The following MECOM variants were observed in gnomAD, a reference collection of about 807,000 sequenced individuals.
MECOM encodes histone-lysine N-methyltransferase MECOM.
MECOM carries 13 observed loss-of-function variants against 116.3 expected under a neutral mutation model. The ratio of observed to expected loss-of-function variants is 0.11; its 90% CI spans 0.07 to 0.18. The LOEUF is 0.18. Ranked by LOEUF, MECOM falls within the 10% of genes least tolerant of loss-of-function variation. The pLI is 1.00. For synonymous variants in MECOM, 528 were observed against 535.2 expected (o/e 0.99, Z 0.19); for missense variants, 1,299 against 1,509.0 (o/e 0.86, Z 2.31).
intron 1 of MECOM, among the ~76,000 whole-genome samples, chr3:169,579,514 G>A (rs555033037): frequency 6.6e-6 from 1 of 152,264 alleles, no homozygotes; most frequent in South Asian, 2.1e-4. Context: ...GAAGGGGTAA[G>A]AGGGAGCCCC....
chr3:169,382,284 G>A (rs1251305354), intron 1 of MECOM, among the ~76,000 whole-genome samples: 19 of 152,156 alleles, frequency 1.2e-4, no homozygotes, highest in Admixed American at 1.2e-3. Context: ...ACAGAGAAAT[G>A]AGGGAGATCA....
intron 1 of MECOM, among the ~76,000 whole-genome samples, chr3:169,450,224 A>T (rs1745324425): frequency 6.6e-6 from 1 of 152,188 alleles, no homozygotes; most frequent in Admixed American, 6.5e-5. Context: ...ACTAACGTAA[A>T]CCTATTTGGC....
intron 2 of MECOM, among the ~76,000 whole-genome samples, chr3:169,339,709 G>A (rs1724163095): frequency 6.6e-6 from 1 of 152,066 alleles, no homozygotes; most frequent in Non-Finnish European, 1.5e-5. Context: ...AGTAATAGAA[G>A]ATGAGCTACA....
intron 1 of MECOM, among the ~76,000 whole-genome samples, chr3:169,536,015 T>C (rs1380574422): frequency 6.6e-6 from 1 of 152,214 alleles, no homozygotes; most frequent in East Asian, 1.9e-4. Context: ...GTTCAGACTG[T>C]GCTATGCACT....
At chr3:169,370,299 T>C (rs1234949062) in intron 2 of MECOM, among the ~76,000 whole-genome samples, 3 of 151,954 alleles carry the variant, frequency 2.0e-5, no homozygotes, top group African/African-American at 4.8e-5. Flanking sequence ...TAAATGGTGC[T>C]GAGAAAACTG....
At chr3:169,559,249 C>T (rs1326979814) in intron 1 of MECOM, among the ~76,000 whole-genome samples, 1 of 152,126 alleles carries the variant, frequency 6.6e-6, no homozygotes, top group Non-Finnish European at 1.5e-5. Context: ...ATTTATATCA[C>T]TTTTCATAGC....
rs548320107 is a variant in MECOM at position 169,444,399 on chromosome 3, A to G, written c.38-62875T>C. On this transcript the variant is annotated intron_variant, in intron 1 of 16. Coordinates refer to ENST00000651503, the MANE Select transcript of MECOM (RefSeq NM_004991.4). ...GAGAAACCCATGGGGAGGTAATTGA[A>G]TCATGGGGGCTGGTCCTTCCCGTGT... 5.3e-5 allele frequency among the ~76,000 whole-genome samples: 8 copies of G among 152,226 alleles called. No homozygotes were observed. In the East Asian group the frequency reaches 1.4e-3, roughly 26 times the overall value.
At chr3:169,547,233 G>A (rs1219729532) in intron 1 of MECOM, among the ~76,000 whole-genome samples, 2 of 151,958 alleles carry the variant, frequency 1.3e-5, no homozygotes, top group South Asian at 2.1e-4. Context: ...GTGCTGTCTC[G>A]CTCTCTCTCT....
At chr3:169,156,732 T>G (rs930103758) in intron 2 of MECOM, among the ~76,000 whole-genome samples, 1 of 152,160 alleles carries the variant, frequency 6.6e-6, no homozygotes, top group Non-Finnish European at 1.5e-5. Flanking sequence ...GCAGAGATTT[T>G]TACCATGGGC....
chr3:169,114,036 A>T (rs2149059712), intron 8 of MECOM, among the ~76,000 whole-genome samples: 1 of 152,232 alleles, frequency 6.6e-6, no homozygotes, highest in South Asian at 2.1e-4. Flanking sequence ...TGCAAGAGAT[A>T]TGTGGAAGAA....
intron 1 of MECOM, among the ~76,000 whole-genome samples, chr3:169,432,787 CCTT>C (rs1337627686): frequency 6.6e-6 from 1 of 152,190 alleles, no homozygotes; most frequent in East Asian, 1.9e-4. Flanking sequence ...AAGAAACACA[CCTT>C]CTTATAAGCA....
rs1481155819 is a variant in MECOM, at chr3:169,611,503, T to A, written c.37+51833A>T. On this transcript the variant is annotated intron_variant, in intron 1 of 16. Coordinates refer to ENST00000651503, the MANE Select transcript of MECOM (RefSeq NM_004991.4). The surrounding 1 kb of genome is among the most constrained non-coding windows in gnomAD (Gnocchi z 4.1). ...GGCAAACAAGCAAGTCAGGCAGTTG[T>A]GAGGAGTGGAAGTGTTTCATAAGCT... Among the ~76,000 whole-genome samples, 1 of 152,180 alleles carries A rather than the reference T, an allele frequency of 6.6e-6. No homozygotes were observed. The highest frequency in any genetic ancestry group is 6.5e-5 in the Admixed American group (1 of 15,276).
At chr3:169,364,692 AT>A (rs1728862404) in intron 2 of MECOM, among the ~76,000 whole-genome samples, 1 of 152,046 alleles carries the variant, frequency 6.6e-6, no homozygotes, top group Admixed American at 6.6e-5. Context: ...GCAGTTGCCC[AT>A]TCATCACCTG....
At chr3:169,629,885 T>A (rs563664661) in intron 1 of MECOM, among the ~76,000 whole-genome samples, 1 of 152,222 alleles carries the variant, frequency 6.6e-6, no homozygotes, top group African/African-American at 2.4e-5. Flanking sequence ...TGGTGGTCCA[T>A]GCAGCACAGG....
At chr3:169,458,676 C>T (rs1442719819) in intron 1 of MECOM, among the ~76,000 whole-genome samples, 1 of 152,196 alleles carries the variant, frequency 6.6e-6, no homozygotes, top group African/African-American at 2.4e-5. Flanking sequence ...ACATCACCAG[C>T]GAGGACTGGT....
At chr3:169,430,151 A>T (rs1192545618) in intron 1 of MECOM, among the ~76,000 whole-genome samples, 2 of 152,172 alleles carry the variant, frequency 1.3e-5, no homozygotes, top group Non-Finnish European at 2.9e-5. Context: ...TTTTCAATAA[A>T]TCCTCATTTC....
intron 1 of MECOM, among the ~76,000 whole-genome samples, chr3:169,477,883 G>A (rs1325252633): frequency 1.3e-5 from 2 of 152,306 alleles, no homozygotes; most frequent in East Asian, 3.9e-4. Flanking sequence ...CAAAGCGCAA[G>A]CACAGGATAG....
intron 1 of MECOM, among the ~76,000 whole-genome samples, chr3:169,562,387 A>T (rs1472645277): frequency 6.6e-6 from 1 of 152,046 alleles, no homozygotes. Flanking sequence ...TCCTGCTTCT[A>T]CTTGCTGTGA....
chr3:169,391,139 G>T (rs976979746), intron 1 of MECOM, among the ~76,000 whole-genome samples: 3 of 152,130 alleles, frequency 2.0e-5, no homozygotes, highest in African/African-American at 7.2e-5. Flanking sequence ...TGGCTTGCTG[G>T]TAAAACGGAA....
Sources: allele counts gnomAD v4.1 joint callset (sites outside exome capture counted in the v4.1 genomes callset), GRCh38; gene constraint gnomAD v4.1.1; non-coding constraint Gnocchi (gnomAD v3.1); transcripts MANE v1.5; gene names NCBI Gene and HGNC (gene_info 2026-07-23, HGNC 2026-07-21).